GPR139: variants seen among roughly 807,000 people sequenced by gnomAD.
The protein encoded by GPR139 is G protein-coupled receptor 139, also known as probable G protein-coupled receptor 139.
In GPR139, 12 loss-of-function variants were observed where a neutral mutation model predicts 25.8. The observed-to-expected ratio is 0.47, with a 90% confidence interval of 0.30 to 0.75. The LOEUF (loss-of-function observed/expected upper bound fraction) is 0.75, where lower values mean the gene tolerates loss of function less well. GPR139 is among the 30% of genes least tolerant of loss of function. The pLI is 0.07. For missense variants in GPR139, 380 were observed against 450.2 expected, an observed-to-expected ratio of 0.84 and a Z score of 1.41; for synonymous variants, 184 against 179.9, an observed-to-expected ratio of 1.02 and a Z score of -0.18.
At chr16:20,038,694 A>C (rs1414082970) in intron 1 of GPR139, among the ~76,000 whole-genome samples, 2 of 152,154 alleles carry the variant, frequency 1.3e-5, no homozygotes, top group Non-Finnish European at 2.9e-5. Flanking sequence ...GGGAGAAAGA[A>C]GTGTGAGCTG....
In GPR139 at chr16:20,073,670, C is replaced by T. The variant is rs2057469391; in HGVS notation, c.-54G>A. On this transcript the variant is annotated 5_prime_UTR_variant, in exon 1 of 2. Transcript: ENST00000570682. This position sits in a 1 kb window ranked among gnomAD's most constrained non-coding sequence, Gnocchi z 4.7. ...TCGCGCCCGGCCTGCCAGCCCGACT[C>T]TGGTCGCCGGCTCGGTGGTGGCGGC... is the stretch of plus-strand genomic sequence containing the variant. The T allele has an allele frequency of 1.2e-5, 18 of 1,497,552 alleles. No individual in the cohort carries two copies. Among genetic ancestry groups the T allele is most frequent in the Non-Finnish European group, 1.6e-5 (18 of 1,124,772 alleles). The allele number at this position is 1,497,552 out of a possible 1,614,324, so 92.8% of individuals were successfully genotyped here.
chr16:20,072,393 A>G (rs1376665029), intron 1 of GPR139, among the ~76,000 whole-genome samples: 1 of 152,180 alleles, frequency 6.6e-6, no homozygotes, highest in Non-Finnish European at 1.5e-5. Context: ...CAGGATCGCA[A>G]GATGCTAAGG....
chr16:20,065,124 G>A (rs1180025396), intron 1 of GPR139, among the ~76,000 whole-genome samples: 2 of 151,954 alleles, frequency 1.3e-5, no homozygotes, highest in African/African-American at 4.8e-5. Context: ...CCCAACCCCT[G>A]AGTTTGTGAA....
At chr16:20,065,270 T>C (rs891625907) in intron 1 of GPR139, among the ~76,000 whole-genome samples, 4 of 152,210 alleles carry the variant, frequency 2.6e-5, no homozygotes, top group Non-Finnish European at 5.9e-5. Flanking sequence ...TATAAAAATC[T>C]GGATTTCTAG....
Position 20,073,478 on chromosome 16 carries a change from C to T in GPR139, c.127+12G>A, listed in dbSNP as rs755195267. ...GTTCCTGGCTTCCCTCCCTCTCCCC[C>T]ACGCCCCTCACCTGGTAAACCGAGG... On this transcript the variant is annotated intron_variant, in intron 1 of 1. Coordinates refer to ENST00000570682, the MANE Select transcript of GPR139 (RefSeq NM_001002911.4). The surrounding 1 kb of genome is among the most constrained non-coding windows in gnomAD (Gnocchi z 4.7). 3 of 1,610,272 alleles carry T rather than the reference C, an allele frequency of 1.9e-6. No individual in the cohort carries two copies. Among genetic ancestry groups the T allele is most frequent in the Non-Finnish European group, 2.5e-6 (3 of 1,178,560 alleles).
In GPR139 at chr16:20,073,829, G is replaced by A; in HGVS notation, c.-213C>T. 1 of 575,628 alleles carries A rather than the reference G, an allele frequency of 1.7e-6. No individual in the cohort carries two copies. 35.7% of individuals were successfully genotyped at this position (575,628 alleles called of 1,614,324 possible). On this transcript the variant is annotated 5_prime_UTR_variant, in exon 1 of 2. Transcript: ENST00000570682. This position sits in a 1 kb window ranked among gnomAD's most constrained non-coding sequence, Gnocchi z 4.7. ...TTGGCTCAGCCCTCCCGCAGGGCGC[G>A]GGGCGCAGGGTGCGGGGCGCGCTGC...
At chr16:20,058,868 C>T (rs994287921) in intron 1 of GPR139, among the ~76,000 whole-genome samples, 1 of 152,186 alleles carries the variant, frequency 6.6e-6, no homozygotes, top group Non-Finnish European at 1.5e-5. Flanking sequence ...TAGCAGGATT[C>T]GCCCACTGCT....
intron 1 of GPR139, among the ~76,000 whole-genome samples, chr16:20,058,126 A>G (rs1406631502): frequency 6.6e-6 from 1 of 152,204 alleles, no homozygotes; most frequent in Non-Finnish European, 1.5e-5. Flanking sequence ...CACTCTATGT[A>G]TATTACATTA....
intron 1 of GPR139, among the ~76,000 whole-genome samples, chr16:20,054,059 A>T (rs1259183180): frequency 1.3e-5 from 2 of 152,182 alleles, no homozygotes; most frequent in Non-Finnish European, 2.9e-5. Flanking sequence ...TTGGGAGGGC[A>T]GATGTGTGTC....
chr16:20,029,194 A>T lies in GPR139; in HGVS notation c.*2541T>A, dbSNP rs1184945869. 6.6e-6 allele frequency among the ~76,000 whole-genome samples: 1 copy of T among 152,118 alleles called. No individual in the cohort carries two copies. Among genetic ancestry groups the T allele is most frequent in the East Asian group, 1.9e-4 (1 of 5,192 alleles). ...AAATATAAAATATATTCGGAGGAAA[A>T]GAGATCACAATACCACGTGGTAGAG... On this transcript the variant is annotated 3_prime_UTR_variant, in exon 2 of 2. Coordinates refer to ENST00000570682, the MANE Select transcript of GPR139 (RefSeq NM_001002911.4).
At position 20,073,709 on chromosome 16, in the gene GPR139, G is replaced by A; in HGVS notation, c.-93C>T. 2 of 1,415,662 alleles carry A rather than the reference G, an allele frequency of 1.4e-6. No individual in the cohort carries two copies. The highest frequency in any genetic ancestry group is 1.9e-6 in the Non-Finnish European group (2 of 1,069,756). The allele number at this position is 1,415,662 out of a possible 1,614,324, so 87.7% of individuals were successfully genotyped here. ...GGTGGTGGCGGCGGCGGAGGCAGCGGCAGCTGGAGCAGCAGCGCCTCTCTC... is the reference window on the plus strand; with the variant it reads ...GGTGGTGGCGGCGGCGGAGGCAGCGACAGCTGGAGCAGCAGCGCCTCTCTC... On this transcript the variant is annotated 5_prime_UTR_variant, in exon 1 of 2. Coordinates refer to ENST00000570682, the MANE Select transcript of GPR139 (RefSeq NM_001002911.4). This position sits in a 1 kb window ranked among gnomAD's most constrained non-coding sequence, Gnocchi z 4.7.
Position 20,031,521 on chromosome 16 carries a change from ACT to A in GPR139, c.*212_*213del. 1.7e-6 allele frequency: 1 copy of A among 575,192 alleles called. No individual in the cohort carries two copies. The allele number at this position is 575,192 out of a possible 1,614,324, so 35.6% of individuals were successfully genotyped here. A position where few individuals can be genotyped will look rare whatever the true frequency, so the allele number is the denominator to read the frequency against. Reference sequence around the variant, plus strand: ...GGTAGGAGCTTTTGCTGTCATTACGACTCTGTGGAAATAAATGCATAAGTAAA... The same window carrying A: ...GGTAGGAGCTTTTGCTGTCATTACGACTGTGGAAATAAATGCATAAGTAAA... On this transcript the variant is annotated 3_prime_UTR_variant, in exon 2 of 2. Transcript: ENST00000570682.
intron 1 of GPR139, among the ~76,000 whole-genome samples, chr16:20,040,113 C>T (rs1473776837): frequency 1.3e-5 from 2 of 152,198 alleles, no homozygotes; most frequent in African/African-American, 2.4e-5. Flanking sequence ...CCAGCATCCA[C>T]TGTCACCCGT....
rs931695016 is a variant in GPR139, at chr16:20,063,167, T to C, written c.127+10323A>G. Among the ~76,000 whole-genome samples, 6 of 152,222 alleles carry C rather than the reference T, an allele frequency of 3.9e-5. No homozygotes were observed. In the South Asian group the frequency reaches 1.0e-3, roughly 26 times the overall value. ...CTACATGCAGCTAGTGGTTATTCTA[T>C]TGGACGGCACGTGTATATAACCACC... On this transcript the variant is annotated intron_variant, in intron 1 of 1. Coordinates refer to ENST00000570682, the MANE Select transcript of GPR139 (RefSeq NM_001002911.4).
rs145868051 is a variant in GPR139, at chr16:20,040,770, A to G, written c.128-8101T>C. 5.3e-5 allele frequency among the ~76,000 whole-genome samples: 8 copies of G among 152,204 alleles called. No homozygotes were observed. The East Asian group carries it at 1.6e-3, about 30-fold the overall frequency. ...AGCTCACGTTGGAGGCTACAAAAGG[A>G]TTTAGGTTAGATGTCAAGAAGAACT... On this transcript the variant is annotated intron_variant, in intron 1 of 1. Coordinates refer to ENST00000570682, the MANE Select transcript of GPR139 (RefSeq NM_001002911.4).
chr16:20,071,750 T>C lies in GPR139; in HGVS notation c.127+1740A>G, dbSNP rs1488230490. Among the ~76,000 whole-genome samples, 3 of 152,158 alleles carry C rather than the reference T, an allele frequency of 2.0e-5. No homozygotes were observed. The East Asian group carries it at 5.8e-4, about 29-fold the overall frequency. ...TTCCACCTTGAGGTCTTTAAAGGCC[T>C]AAGTTTTTCCTCATTTTCTCCATCC... On this transcript the variant is annotated intron_variant, in intron 1 of 1. Transcript: ENST00000570682.
At chr16:20,033,826 G>A (rs2057300329) in intron 1 of GPR139, among the ~76,000 whole-genome samples, 1 of 151,986 alleles carries the variant, frequency 6.6e-6, no homozygotes, top group African/African-American at 2.4e-5. Context: ...TGTCCATATA[G>A]TGTGCCTGCA....
At chr16:20,050,560 G>A (rs1837696705) in intron 1 of GPR139, among the ~76,000 whole-genome samples, 1 of 152,218 alleles carries the variant, frequency 6.6e-6, no homozygotes, top group Non-Finnish European at 1.5e-5. Flanking sequence ...CTTCCGTCCA[G>A]TTCACATCCC....
chr16:20,041,199 A>T (rs1596465470), intron 1 of GPR139, among the ~76,000 whole-genome samples: 1 of 346 alleles, frequency 2.9e-3, no homozygotes, highest in Non-Finnish European at 5.7e-3. Context: ...AGGGGAGGGG[A>T]GGAGAGGAGA....
Sources: gnomAD v4.1 joint callset for allele counts (sites outside exome capture counted in the v4.1 genomes callset) on GRCh38, gnomAD v4.1.1 for gene constraint, Gnocchi (gnomAD v3.1) non-coding constraint, MANE v1.5 for transcripts, NCBI Gene and HGNC (gene_info 2026-07-23, HGNC 2026-07-21) for gene names.